The following TUBG2 variants were observed in gnomAD, a reference collection of about 807,000 sequenced individuals.
TUBG2 encodes the protein tubulin gamma-2 chain.
In TUBG2, 39 loss-of-function variants were observed where a neutral mutation model predicts 55.1. The ratio of observed to expected loss-of-function variants is 0.71; its 90% CI spans 0.55 to 0.93. The LOEUF (loss-of-function observed/expected upper bound fraction) is 0.93. TUBG2 is among the 40% of genes least tolerant of loss of function. The pLI, the probability that TUBG2 is intolerant of heterozygous loss-of-function variation, is 0.00. For synonymous variants in TUBG2, 223 were observed against 241.0 expected (o/e 0.93, Z 0.69); for missense variants, 358 against 599.1 (o/e 0.60, Z 4.20).
At chr17:42,664,070 C>T (rs149421465) in intron 6 of TUBG2, among the ~76,000 whole-genome samples, 7,116 of 151,940 alleles carry the variant, frequency 0.047, 565 homozygotes, top group African/African-American at 0.16. Context: ...CACACCATTG[C>T]ACTCCAGCCT....
chr17:42,662,189 A>T (rs4306571), intron 4 of TUBG2, among the ~76,000 whole-genome samples: 145,673 of 152,106 alleles, frequency 0.96, 69,796 homozygotes, highest in East Asian at 1. Flanking sequence ...CCTATAGTCC[A>T]AGCTACTTGG....
intron 8 of TUBG2, 117 bp downstream of exon 8, chr17:42,665,944 T>C: frequency 1.3e-6 from 2 of 1,586,612 alleles, no homozygotes; most frequent in Non-Finnish European, 1.7e-6. Flanking sequence ...CCCAAGGCAC[T>C]GCGCTCAGGG....
rs184348412 is a variant in TUBG2 at position 42,660,549 on chromosome 17, C to T, written c.331-90C>T. 2.6e-3 allele frequency: 3,565 copies of T among 1,383,996 alleles called. 7 individuals are homozygous for T. The highest frequency in any genetic ancestry group is 3.3e-3 in the Non-Finnish European group (3,202 of 976,466). 85.7% of individuals were successfully genotyped at this position (1,383,996 alleles called of 1,614,324 possible). On this transcript the variant is annotated intron_variant, in intron 3 of 10. Coordinates refer to ENST00000251412, the MANE Select transcript of TUBG2 (RefSeq NM_016437.3). Reference sequence around the variant, plus strand: ...TCTGCTTCAGGGTGGCAACAATATTCCAGGGTAGACAGAATTCTTGGTGCT... The same window carrying T: ...TCTGCTTCAGGGTGGCAACAATATTTCAGGGTAGACAGAATTCTTGGTGCT...
intron 3 of TUBG2, 36 bp downstream of exon 3, chr17:42,660,352 C>T (rs199628576): frequency 1.2e-5 from 19 of 1,613,154 alleles, no homozygotes; most frequent in Non-Finnish European, 1.6e-5. Context: ...CTTTGATATT[C>T]CCATCCAGAG....
At chr17:42,659,742 C>A in intron 1 of TUBG2, 92 bp from the exon 2 acceptor site, 2 of 1,519,224 alleles carry the variant, frequency 1.3e-6, no homozygotes, top group Non-Finnish European at 9.0e-7. Flanking sequence ...CATCTTGGGT[C>A]CACCCTCTGA....
chr17:42,659,798 G>C, intron 1 of TUBG2, 36 bp from the exon 2 acceptor site: 1 of 1,613,484 alleles, frequency 6.2e-7, no homozygotes, highest in Non-Finnish European at 8.5e-7. Context: ...AGGCCTTAAG[G>C]CTCCAGCAGA....
rs1299770843 is a variant in TUBG2, at chr17:42,665,546, C to T, written c.677C>T (p.Ser226Phe). 2 of 1,614,134 alleles carry T rather than the reference C, an allele frequency of 1.2e-6. No individual in the cohort carries two copies. Among genetic ancestry groups the T allele is most frequent in the South Asian group, 1.1e-5 (1 of 91,078 alleles). ...DRLHIQNPSF[S>F]QINQLVSTIM... ...CTGCACATCCAGAACCCGTCCTTCTCCCAGATCAACCAGCTGGTGGGCCCC... is the reference window on the plus strand; with the variant it reads ...CTGCACATCCAGAACCCGTCCTTCTTCCAGATCAACCAGCTGGTGGGCCCC... The change falls in exon 7 of 11, where the codon TCC becomes TTC. Residue 226 changes from serine to phenylalanine, a missense_variant. Transcript: ENST00000251412.
intron 5 of TUBG2, 142 bp from the exon 6 acceptor site, chr17:42,663,235 C>T: frequency 7.2e-7 from 1 of 1,382,600 alleles, no homozygotes; most frequent in Non-Finnish European, 9.9e-7. Context: ...AGGGGATCTA[C>T]AGAGTTTGAA....
In TUBG2 at chr17:42,665,462, T is replaced by A. The variant is rs1357175213; in HGVS notation, c.607-14T>A. The A allele has an allele frequency of 1.2e-6, 2 of 1,614,030 alleles. No individual in the cohort carries two copies. Among genetic ancestry groups the A allele is most frequent in the Non-Finnish European group, 1.7e-6 (2 of 1,180,042 alleles). Reference sequence around the variant, plus strand: ...TTATCCTCAAGATGCTGTGATGCTCTTCTGTCCCCCCAGGTGGTGCTGGAC... The same window carrying A: ...TTATCCTCAAGATGCTGTGATGCTCATCTGTCCCCCCAGGTGGTGCTGGAC... On this transcript the variant is annotated splice_polypyrimidine_tract_variant and intron_variant, in intron 6 of 10. Coordinates refer to ENST00000251412, the MANE Select transcript of TUBG2 (RefSeq NM_016437.3).
In TUBG2 at chr17:42,665,694, C is replaced by A; in HGVS notation, c.710C>A (p.Ser237Ter). The A allele has an allele frequency of 1.9e-6, 3 of 1,614,166 alleles. No homozygotes were observed. The highest frequency in any genetic ancestry group is 2.5e-6 in the Non-Finnish European group (3 of 1,180,026). ...QINQLVSTIMSASTTTLRYPG... is the reference protein window; with the variant it reads ...QINQLVSTIM ...TGTCCCCAGGTGTCCACCATCATGT[C>A]GGCCAGCACCACCACCCTGCGCTAC... Residue 237 changes from serine (S) to a stop codon, truncating the protein, a stop_gained, in exon 8 of 11, where the codon TCG (serine) becomes TAG (stop). Coordinates refer to ENST00000251412, the MANE Select transcript of TUBG2 (RefSeq NM_016437.3). LOFTEE classifies it high-confidence loss of function.
rs773262186 is a variant in TUBG2, at chr17:42,660,698, C to T, written c.390C>T (p.Asp130=). The change falls in exon 4 of 11, where the codon GAC becomes GAT. Residue 130 remains aspartate (D), a synonymous_variant. Transcript: ENST00000251412. ...TAGACCGAGAAGCAGATGGAAGTGACAGTTTGGAGGTGAAGTTATGGAGTG... is the reference window on the plus strand; with the variant it reads ...TAGACCGAGAAGCAGATGGAAGTGATAGTTTGGAGGTGAAGTTATGGAGTG... ...DIIDREADGS[D]SLEGFVLCHS... is the part of the protein sequence containing the mutation. 31 of 1,613,724 alleles carry T rather than the reference C, an allele frequency of 1.9e-5. No individual in the cohort carries two copies. Among genetic ancestry groups the T allele is most frequent in the Non-Finnish European group, 2.6e-5 (31 of 1,179,958 alleles).
At chr17:42,665,866 T>C in intron 8 of TUBG2, 39 bp downstream of exon 8, 1 of 1,613,308 alleles carries the variant, frequency 6.2e-7, no homozygotes. Context: ...AGGCTGGCCC[T>C]GGGCCCAGCA....
chr17:42,665,777 C>G lies in TUBG2; in HGVS notation c.793C>G (p.Arg265Gly). The G allele has an allele frequency of 6.2e-7, 1 of 1,614,214 alleles. No homozygotes were observed. The stretch of plus-strand genomic sequence containing the variant: ...CATCGCCTCGCTCATTCCCACCCCA[C>G]GGCTCCACTTCCTCATGACCGGCTA... ...GLIASLIPTP[R>G]LHFLMTGYTP... The change falls in exon 8 of 11, where the codon CGG (arginine) becomes GGG (glycine). Residue 265 changes from arginine to glycine, a missense_variant. Physicochemically the swap from Arg to Gly is moderately radical, Grantham distance 125. Transcript: ENST00000251412.
At chr17:42,663,639 TC>T in intron 6 of TUBG2, 136 bp downstream of exon 6, 1 of 1,147,660 alleles carries the variant, frequency 8.7e-7, no homozygotes, top group Non-Finnish European at 1.2e-6. Flanking sequence ...AAACCCTATC[TC>T]CACAGAAAAT....
At chr17:42,661,499 G>C (rs1407821256) in intron 4 of TUBG2, 2 of 152,214 alleles carry the variant, frequency 1.3e-5, no homozygotes, top group Non-Finnish European at 2.9e-5. Context: ...AGGGGATGAA[G>C]ATTGAGTAGA....
At position 42,659,830 on chromosome 17, in the gene TUBG2, C is replaced by G. The variant is rs1005788613; in HGVS notation, c.50-4C>G. On this transcript the variant is annotated splice_region_variant and splice_polypyrimidine_tract_variant and intron_variant, in intron 1 of 10. Transcript: ENST00000251412. ...CAGACCCGGGCATCTCCCCCCTCCC[C>G]CAGTTGGGTTCGAGTTCTGGAAACA... 7 of 1,614,200 alleles carry G rather than the reference C, an allele frequency of 4.3e-6. No individual in the cohort carries two copies. Among genetic ancestry groups the G allele is most frequent in the Non-Finnish European group, 3.4e-6 (4 of 1,180,014 alleles).
Position 42,665,712 on chromosome 17 carries a change from T to C in TUBG2, c.728T>C (p.Leu243Pro), listed in dbSNP as rs778654189. Reference sequence around the variant, plus strand: ...ATCATGTCGGCCAGCACCACCACCCTGCGCTACCCCGGCTACATGAACAAT... The same window carrying C: ...ATCATGTCGGCCAGCACCACCACCCCGCGCTACCCCGGCTACATGAACAAT... ...STIMSASTTT[L>P]RYPGYMNNDL... is the part of the protein sequence containing the mutation. The change falls in exon 8 of 11, where the codon CTG becomes CCG. Residue 243 changes from leucine to proline, a missense_variant. Leu to Pro is a moderately conservative substitution (Grantham distance 98, BLOSUM62 -3). Transcript: ENST00000251412. 2 of 1,614,052 alleles carry C rather than the reference T, an allele frequency of 1.2e-6. No individual in the cohort carries two copies. Among genetic ancestry groups the C allele is most frequent in the African/African-American group, 1.3e-5 (1 of 74,916 alleles).
At position 42,666,723 on chromosome 17, in the gene TUBG2, G is replaced by A; in HGVS notation, c.1279G>A (p.Val427Ile). The A allele has an allele frequency of 6.2e-7, 1 of 1,614,134 alleles. No homozygotes were observed. Among genetic ancestry groups the A allele is most frequent in the East Asian group, 2.2e-5 (1 of 44,886 alleles). The change falls in exon 11 of 11, where the codon GTT (valine) becomes ATT (isoleucine). Residue 427 changes from valine (V) to isoleucine (I), a missense_variant. Transcript: ENST00000251412. ...TGATGAGATGGACAGGTCTAGGGAG[G>A]TTGTTCAGGAGCTCATTGATGAGTA... ...NFDEMDRSRE[V>I]VQELIDEYHA... is the part of the protein sequence containing the mutation.
chr17:42,660,385 G>T, intron 3 of TUBG2, 69 bp downstream of exon 3: 1 of 1,603,912 alleles, frequency 6.2e-7, no homozygotes, highest in South Asian at 1.1e-5. Flanking sequence ...CAAGCTACTA[G>T]GAATTTGACC....
Sources: allele counts gnomAD v4.1 joint callset (sites outside exome capture counted in the v4.1 genomes callset), GRCh38; gene constraint gnomAD v4.1.1; transcripts MANE v1.5; gene names NCBI Gene and HGNC (gene_info 2026-07-23, HGNC 2026-07-21).